CDC14B: variants seen among roughly 807,000 people sequenced by gnomAD.
CDC14B encodes dual specificity protein phosphatase CDC14B.
In CDC14B, 22 loss-of-function variants were observed where a neutral mutation model predicts 64.2. The observed-to-expected ratio is 0.34, with a 90% CI of 0.24 to 0.49. CDC14B has a LOEUF of 0.49. CDC14B is among the 20% of genes least tolerant of loss of function. The pLI is 0.99. For synonymous variants in CDC14B, 191 were observed against 215.8 expected (o/e 0.89, Z 1.01); for missense variants, 498 against 629.9 (o/e 0.79, Z 2.24).
chr9:96,557,575 G>A (rs1313476581), intron 4 of CDC14B, among the ~76,000 whole-genome samples: 1 of 152,122 alleles, frequency 6.6e-6, no homozygotes, highest in Non-Finnish European at 1.5e-5. Context: ...AAATAACAAA[G>A]TCCCTGAGCT....
At chr9:96,587,523 C>T (rs953298161) in intron 1 of CDC14B, among the ~76,000 whole-genome samples, 5 of 152,218 alleles carry the variant, frequency 3.3e-5, no homozygotes, top group Non-Finnish European at 5.9e-5. Flanking sequence ...TGGGCAGATA[C>T]ACTTGGCCCT....
downstream of CDC14B, among the ~76,000 whole-genome samples, chr9:96,496,568 C>T (rs931451741): frequency 6.6e-6 from 1 of 152,252 alleles, no homozygotes; most frequent in Non-Finnish European, 1.5e-5. Context: ...GGACACTCCG[C>T]GGCTACTTAA....
In CDC14B at chr9:96,541,228, A is replaced by G. The variant is rs1032477083; in HGVS notation, c.564+598T>C. Reference sequence around the variant, plus strand: ...GGACCCTGTTCACGTAGAACGTGATAGGGAGGGTGTCCCCTGGAATCAACA... The same window carrying G: ...GGACCCTGTTCACGTAGAACGTGATGGGGAGGGTGTCCCCTGGAATCAACA... On this transcript the variant is annotated intron_variant, in intron 6 of 13. Transcript: ENST00000375241. Among the ~76,000 whole-genome samples the G allele has an allele frequency of 4.6e-5, 7 of 152,238 alleles. No individual in the cohort carries two copies. The East Asian group carries it at 1.2e-3, about 25-fold the overall frequency.
intron 4 of CDC14B, 77 bp from the exon 5 acceptor site, chr9:96,551,949 G>T: frequency 6.6e-7 from 1 of 1,522,740 alleles, no homozygotes; most frequent in Non-Finnish European, 8.8e-7. Flanking sequence ...AGTAAATTTT[G>T]TCCAATTTCC....
intron 1 of CDC14B, among the ~76,000 whole-genome samples, chr9:96,600,278 A>T (rs16911394): frequency 0.017 from 2,608 of 151,280 alleles, 86 homozygotes; most frequent in African/African-American, 0.06. Context: ...TACATTTTTT[A>T]AAAAAATTCT....
intron 1 of CDC14B, among the ~76,000 whole-genome samples, chr9:96,604,680 C>T (rs1846758594): frequency 6.7e-6 from 1 of 150,250 alleles, no homozygotes; most frequent in Admixed American, 6.6e-5. Flanking sequence ...GGGGGCGGGG[C>T]AGGAGGGGGA....
chr9:96,558,388 G>A (rs1240658035), intron 4 of CDC14B, among the ~76,000 whole-genome samples: 3 of 152,142 alleles, frequency 2.0e-5, no homozygotes, highest in African/African-American at 7.2e-5. Context: ...TTATATACAT[G>A]TATAAAACTA....
At chr9:96,607,791 G>T (rs1463530105) in intron 1 of CDC14B, among the ~76,000 whole-genome samples, 1 of 152,082 alleles carries the variant, frequency 6.6e-6, no homozygotes, top group Non-Finnish European at 1.5e-5. Context: ...GGGGAAGTTG[G>T]AAAAGAATCT....
intron 9 of CDC14B, among the ~76,000 whole-genome samples, chr9:96,529,849 G>C (rs1838164241): frequency 6.6e-6 from 1 of 152,068 alleles, no homozygotes; most frequent in Non-Finnish European, 1.5e-5. Context: ...TCTTTCTCAA[G>C]ATTGTTTTGG....
At chr9:96,519,693 T>G (rs898132211) in intron 12 of CDC14B, among the ~76,000 whole-genome samples, 4 of 145,334 alleles carry the variant, frequency 2.8e-5, no homozygotes, top group African/African-American at 1.0e-4. Context: ...GGCACACCAT[T>G]GCACTCCAGC....
At chr9:96,578,588 A>G (rs1175681603) in intron 1 of CDC14B, among the ~76,000 whole-genome samples, 1 of 152,224 alleles carries the variant, frequency 6.6e-6, no homozygotes, top group Non-Finnish European at 1.5e-5. Context: ...ACAAGCAGAC[A>G]TACCCAATTT....
chr9:96,601,964 C>A (rs1175252627), intron 1 of CDC14B, among the ~76,000 whole-genome samples: 1 of 150,098 alleles, frequency 6.7e-6, no homozygotes, highest in African/African-American at 2.5e-5. Flanking sequence ...GAGGCTGAGG[C>A]AGGAGAATGG....
intron 3 of CDC14B, among the ~76,000 whole-genome samples, chr9:96,564,520 A>T (rs1394837919): frequency 6.6e-6 from 1 of 152,166 alleles, no homozygotes; most frequent in Non-Finnish European, 1.5e-5. Context: ...ACTGATTCCC[A>T]CTTTGGCTTT....
At chr9:96,534,408 A>G (rs748376588) in intron 8 of CDC14B, 47 bp downstream of exon 8, 37 of 1,289,942 alleles carry the variant, frequency 2.9e-5, no homozygotes, top group Non-Finnish European at 7.9e-6. Context: ...AATATAGGAT[A>G]GATATTTTCA....
intron 9 of CDC14B, among the ~76,000 whole-genome samples, chr9:96,525,904 AG>A (rs1185801226): frequency 6.6e-6 from 1 of 152,134 alleles, no homozygotes; most frequent in East Asian, 1.9e-4. Context: ...CATAAATTTG[AG>A]GGGGGCCAGA....
chr9:96,541,031 A>G (rs1199861874), intron 6 of CDC14B, among the ~76,000 whole-genome samples: 6 of 152,224 alleles, frequency 3.9e-5, no homozygotes, highest in Non-Finnish European at 5.9e-5. Flanking sequence ...GCAAGCCACC[A>G]TGTTTCATTA....
intron 12 of CDC14B, among the ~76,000 whole-genome samples, chr9:96,516,520 C>T (rs934024794): frequency 1.3e-5 from 2 of 151,984 alleles, no homozygotes; most frequent in Non-Finnish European, 2.9e-5. Flanking sequence ...TGCTCTGTCA[C>T]CCAGCCCGGA....
At chr9:96,605,379 C>T (rs187208988) in intron 1 of CDC14B, among the ~76,000 whole-genome samples, 262 of 152,216 alleles carry the variant, frequency 1.7e-3, no homozygotes, top group Non-Finnish European at 1.2e-3. Flanking sequence ...CAGCAAGACA[C>T]AAGCAGGGGT....
At chr9:96,594,305 G>A (rs1317407582) in intron 1 of CDC14B, among the ~76,000 whole-genome samples, 1 of 152,190 alleles carries the variant, frequency 6.6e-6, no homozygotes, top group Non-Finnish European at 1.5e-5. Context: ...TCCCAGGACA[G>A]AGTAACCAAA....
Sources: allele counts gnomAD v4.1 joint callset (sites outside exome capture counted in the v4.1 genomes callset), GRCh38; gene constraint gnomAD v4.1.1; transcripts MANE v1.5; gene names NCBI Gene and HGNC (gene_info 2026-07-23, HGNC 2026-07-21).